Variants in NBEA observed in about 807,000 individuals in gnomAD.
NBEA encodes neurobeachin.
A neutral mutation model predicts 343.4 loss-of-function variants in NBEA; 44 were observed. That is an observed-to-expected ratio of 0.13 (90% confidence interval 0.10 to 0.16). The LOEUF is 0.16. Among genes scored for constraint, NBEA ranks in the 10% least tolerant of loss-of-function variants. The pLI, the probability that NBEA is intolerant of heterozygous loss-of-function variation, is 1.00. For synonymous variants in NBEA, 1,175 were observed against 1,238.7 expected (o/e 0.95, Z 1.08); for missense variants, 2,555 against 3,631.3 (o/e 0.70, Z 7.62).
intron 1 of NBEA, among the ~76,000 whole-genome samples, chr13:34,997,962 T>C (rs1433602597): frequency 2.0e-5 from 3 of 152,114 alleles, no homozygotes; most frequent in African/African-American, 7.2e-5. Flanking sequence ...GCTTAGGAGG[T>C]ATTTTTTTTA....
chr13:34,959,050 A>G (rs1257787469), intron 1 of NBEA, among the ~76,000 whole-genome samples: 1 of 152,148 alleles, frequency 6.6e-6, no homozygotes, highest in Non-Finnish European at 1.5e-5. Context: ...TCTGCAATAA[A>G]AATTGAAAGT....
intron 1 of NBEA, among the ~76,000 whole-genome samples, chr13:35,010,559 C>T (rs1052154939): frequency 3.2e-5 from 4 of 125,886 alleles, no homozygotes; most frequent in East Asian, 2.2e-4. Context: ...CCAGCCTGGG[C>T]GATGGAGACC....
At position 35,429,799 on chromosome 13, in the gene NBEA, A is replaced by ATGTG. The variant is rs1361806369; in HGVS notation, c.6180-2470_6180-2469insTGTG. Reference sequence around the variant, plus strand: ...TCCCACCCTTTCCCCTGAGTCCCCAACGTGTGTGTGTGTGTGTGTGTGTGT... The same window carrying ATGTG: ...TCCCACCCTTTCCCCTGAGTCCCCAATGTGCGTGTGTGTGTGTGTGTGTGTGTGT... On this transcript the variant is annotated intron_variant, in intron 38 of 58. Transcript: ENST00000379939. Among the ~76,000 whole-genome samples, 8 of 38,122 alleles carry ATGTG rather than the reference A, an allele frequency of 2.1e-4. No individual in the cohort carries two copies. In the South Asian group the frequency reaches 7.0e-3, roughly 33 times the overall value. The allele number at this position is 38,122 out of a possible 152,430, so 25.0% of individuals were successfully genotyped here.
intron 38 of NBEA, among the ~76,000 whole-genome samples, chr13:35,408,062 A>G (rs2043370192): frequency 6.6e-6 from 1 of 152,192 alleles, no homozygotes; most frequent in Non-Finnish European, 1.5e-5. Flanking sequence ...ATGCAATCAT[A>G]AGCAAAAATA....
chr13:35,057,047 C>T (rs1157369026), intron 7 of NBEA, among the ~76,000 whole-genome samples: 3 of 152,124 alleles, frequency 2.0e-5, no homozygotes, highest in Admixed American at 6.6e-5. Flanking sequence ...AGGGTCCTTA[C>T]GGTTTCTCTA....
At chr13:35,310,515 C>G (rs1311550916) in intron 36 of NBEA, among the ~76,000 whole-genome samples, 1 of 152,134 alleles carries the variant, frequency 6.6e-6, no homozygotes, top group African/African-American at 2.4e-5. Context: ...GTTGTATATT[C>G]TATTATTAAA....
rs1438785530 is a variant in NBEA at position 35,280,043 on chromosome 13, AT to A, written c.5777-10342del. Among the ~76,000 whole-genome samples, 11 of 152,210 alleles carry A rather than the reference AT, an allele frequency of 7.2e-5. No individual in the cohort carries two copies. The South Asian group carries it at 1.9e-3, about 26-fold the overall frequency. On this transcript the variant is annotated intron_variant, in intron 34 of 58. Transcript: ENST00000379939. ...TTATTTGAAATTTATTTTAGTAGAG[AT>A]TTTATTTGTGTGTATCTAGCTAAAT...
intron 1 of NBEA, among the ~76,000 whole-genome samples, chr13:34,987,967 T>C (rs2060616189): frequency 6.6e-6 from 1 of 151,024 alleles, no homozygotes; most frequent in African/African-American, 2.4e-5. Context: ...AGATGTTTGT[T>C]ATTACTGACC....
In NBEA at chr13:35,156,271, T is replaced by C. The variant is rs185066512; in HGVS notation, c.2651+65T>C. The C allele has an allele frequency of 1.1e-4, 147 of 1,396,896 alleles. No homozygotes were observed. The African/African-American group carries it at 2.1e-3, about 20-fold the overall frequency. The allele number at this position is 1,396,896 out of a possible 1,614,324, so 86.5% of individuals were successfully genotyped here. Reference sequence around the variant, plus strand: ...ATTAATATTTTCTCTCTTTTAGATTTTCAATTCATTTCAAATCTTTTCCAT... The same window carrying C: ...ATTAATATTTTCTCTCTTTTAGATTCTCAATTCATTTCAAATCTTTTCCAT... On this transcript the variant is annotated intron_variant, in intron 20 of 58. Transcript: ENST00000379939.
intron 34 of NBEA, among the ~76,000 whole-genome samples, chr13:35,270,818 C>T (rs977032331): frequency 6.6e-6 from 1 of 152,132 alleles, no homozygotes; most frequent in Non-Finnish European, 1.5e-5. Context: ...CAGGTATATG[C>T]TCACAGTGTA....
At chr13:35,098,243 T>C in intron 10 of NBEA, 54 bp from the exon 11 acceptor site, 1 of 1,248,938 alleles carries the variant, frequency 8.0e-7, no homozygotes, top group Non-Finnish European at 1.1e-6. Context: ...AGTGGGACAC[T>C]GTTTATAATA....
intron 34 of NBEA, among the ~76,000 whole-genome samples, chr13:35,257,981 T>C (rs61947445): frequency 6.6e-6 from 1 of 152,122 alleles, no homozygotes; most frequent in Non-Finnish European, 1.5e-5. Flanking sequence ...TGACTCACTT[T>C]TACAAAAGAT....
rs199862540 is a variant in NBEA at position 35,017,133 on chromosome 13, CA to C, written c.295-23794del. Among the ~76,000 whole-genome samples the C allele has an allele frequency of 4.2e-4, 63 of 151,254 alleles. No individual in the cohort carries two copies. The East Asian group carries it at 0.012, about 29-fold the overall frequency. ...TGCCGCAGTGGGAAGGGAGCAAAGGCAAAAAAGTGGTGATCTAGTGTAGTGC... is the reference window on the plus strand; with the variant it reads ...TGCCGCAGTGGGAAGGGAGCAAAGGCAAAAAGTGGTGATCTAGTGTAGTGC... On this transcript the variant is annotated intron_variant, in intron 1 of 58. Coordinates refer to ENST00000379939, the MANE Select transcript of NBEA (RefSeq NM_001385012.1).
chr13:35,085,073 A>G (rs1169760145), intron 10 of NBEA, among the ~76,000 whole-genome samples: 1 of 152,200 alleles, frequency 6.6e-6, no homozygotes, highest in African/African-American at 2.4e-5. Flanking sequence ...ACAGGCTCTG[A>G]AATTGAGGCA....
At chr13:35,286,666 T>C (rs190452847) in intron 34 of NBEA, among the ~76,000 whole-genome samples, 13 of 152,260 alleles carry the variant, frequency 8.5e-5, no homozygotes, top group East Asian at 5.8e-4. Flanking sequence ...TACCTTTTAG[T>C]AGTGTTTGTA....
At chr13:34,961,460 C>T (rs547176730) in intron 1 of NBEA, among the ~76,000 whole-genome samples, 2 of 152,132 alleles carry the variant, frequency 1.3e-5, no homozygotes, top group East Asian at 1.9e-4. Flanking sequence ...CTAGCTATTT[C>T]TCTGTGGCTT....
At chr13:35,111,099 C>T in intron 13 of NBEA, 121 bp downstream of exon 13, 6 of 736,460 alleles carry the variant, frequency 8.1e-6, no homozygotes, top group Middle Eastern at 4.2e-4. Flanking sequence ...TCTTATATAG[C>T]AAACTGGCAT....
intron 34 of NBEA, among the ~76,000 whole-genome samples, chr13:35,249,739 A>T (rs981639953): frequency 6.6e-6 from 1 of 152,230 alleles, no homozygotes; most frequent in Non-Finnish European, 1.5e-5. Context: ...AGCCAAAACA[A>T]CTTAAAGCAA....
chr13:34,975,867 A>C (rs2060156742), intron 1 of NBEA, among the ~76,000 whole-genome samples: 1 of 152,200 alleles, frequency 6.6e-6, no homozygotes, highest in African/African-American at 2.4e-5. Context: ...ATCAAACCAC[A>C]ATGTGATACC....
Sources: allele counts gnomAD v4.1 joint callset (sites outside exome capture counted in the v4.1 genomes callset), GRCh38; gene constraint gnomAD v4.1.1; transcripts MANE v1.5; gene names NCBI Gene and HGNC (gene_info 2026-07-23, HGNC 2026-07-21).